CFAP77: variants seen among roughly 807,000 people sequenced by gnomAD.
CFAP77 encodes the protein cilia- and flagella-associated protein 77.
In CFAP77, 25 loss-of-function variants were observed where a neutral mutation model predicts 31.1. The ratio of observed to expected loss-of-function variants is 0.80; its 90% CI spans 0.59 to 1.12. The LOEUF (loss-of-function observed/expected upper bound fraction) is 1.12, where lower values mean the gene tolerates loss of function less well. Among genes scored for constraint, CFAP77 ranks in the 50% most tolerant of loss-of-function variants. The pLI is 0.00. For synonymous variants in CFAP77, 151 were observed against 159.9 expected, an observed-to-expected ratio of 0.94 and a Z score of 0.42; for missense variants, 377 against 397.3, an observed-to-expected ratio of 0.95 and a Z score of 0.44.
chr9:132,559,783 A>G (rs1270485816), intron 5 of CFAP77, among the ~76,000 whole-genome samples: 1 of 152,262 alleles, frequency 6.6e-6, no homozygotes, highest in Non-Finnish European at 1.5e-5. Context: ...CCCAAGGTCC[A>G]TCAACTGATG....
At chr9:132,546,503 T>C (rs1409144055) in intron 5 of CFAP77, among the ~76,000 whole-genome samples, 1 of 151,524 alleles carries the variant, frequency 6.6e-6, no homozygotes, top group African/African-American at 2.4e-5. Flanking sequence ...CTGTCAGAAA[T>C]AATTAAACAC....
intron 3 of CFAP77, among the ~76,000 whole-genome samples, chr9:132,510,657 A>G (rs988433853): frequency 1.3e-5 from 2 of 152,164 alleles, no homozygotes; most frequent in South Asian, 4.1e-4. Context: ...GCAGGCCCTG[A>G]TACATCCCGT....
chr9:132,555,607 T>A (rs1852890756), intron 5 of CFAP77, among the ~76,000 whole-genome samples: 1 of 152,206 alleles, frequency 6.6e-6, no homozygotes. Flanking sequence ...ATTGTCTAAA[T>A]TCAGCAGTAA....
intron 3 of CFAP77, among the ~76,000 whole-genome samples, chr9:132,532,892 A>G (rs1232116640): frequency 6.6e-6 from 1 of 152,224 alleles, no homozygotes; most frequent in Non-Finnish European, 1.5e-5. Flanking sequence ...TCTACAAAAA[A>G]TAAACAAAAA....
chr9:132,442,275 G>A (rs116109794), intron 1 of CFAP77, among the ~76,000 whole-genome samples: 2,151 of 152,286 alleles, frequency 0.014, 36 homozygotes, highest in African/African-American at 0.049. Context: ...AACAGGCTGG[G>A]CACAGTGGCT....
At chr9:132,458,356 G>GC (rs1564211052) in intron 1 of CFAP77, among the ~76,000 whole-genome samples, 2 of 135,856 alleles carry the variant, frequency 1.5e-5, no homozygotes, top group South Asian at 2.5e-4. Context: ...GGAGGGGGGG[G>GC]GGTGTGTATG....
At chr9:132,437,427 G>A (rs1478403521) in intron 1 of CFAP77, among the ~76,000 whole-genome samples, 4 of 151,990 alleles carry the variant, frequency 2.6e-5, no homozygotes, top group South Asian at 4.1e-4. Flanking sequence ...GGAAAGAGTC[G>A]TGGATGTCAC....
intron 3 of CFAP77, among the ~76,000 whole-genome samples, chr9:132,525,674 TGTA>T (rs1458522482): frequency 5.9e-5 from 9 of 152,350 alleles, no homozygotes; most frequent in African/African-American, 2.2e-4. Context: ...TTATCACATG[TGTA>T]GATTTGTGTG....
Position 132,554,976 on chromosome 9 carries a change from C to A in CFAP77, c.732+11929C>A, listed in dbSNP as rs528951746. Among the ~76,000 whole-genome samples, 5 of 147,262 alleles carry A rather than the reference C, an allele frequency of 3.4e-5. No individual in the cohort carries two copies. In the East Asian group the frequency reaches 9.7e-4, roughly 29 times the overall value. ...TCCATCCATCCATCCATCCATCCAT[C>A]CATCCATCCATCCTCAGCCATCTGT... On this transcript the variant is annotated intron_variant, in intron 5 of 5. Coordinates refer to ENST00000393216, the MANE Select transcript of CFAP77 (RefSeq NM_001282957.2). The surrounding 1 kb of genome is among the most constrained non-coding windows in gnomAD (Gnocchi z 4.1).
chr9:132,437,129 T>C (rs1199971884), intron 1 of CFAP77, among the ~76,000 whole-genome samples: 1 of 152,208 alleles, frequency 6.6e-6, no homozygotes, highest in Non-Finnish European at 1.5e-5. Context: ...GGTAACTCGA[T>C]GCATAAAGAA....
At chr9:132,532,971 G>C (rs1234807874) in intron 3 of CFAP77, among the ~76,000 whole-genome samples, 2 of 152,298 alleles carry the variant, frequency 1.3e-5, no homozygotes, top group South Asian at 4.1e-4. Flanking sequence ...TCAGATAAAA[G>C]CTGTGGATTC....
rs554862471 is a variant in CFAP77, at chr9:132,570,727, G to T, written c.733-1661G>T. Among the ~76,000 whole-genome samples the T allele has an allele frequency of 5.3e-5, 8 of 152,282 alleles. No individual in the cohort carries two copies. In the South Asian group the frequency reaches 1.7e-3, roughly 32 times the overall value. On this transcript the variant is annotated intron_variant, in intron 5 of 5. Transcript: ENST00000393216. Reference sequence around the variant, plus strand: ...TCTCTGGTCACCATTTGATTTTTATGGGTTTCTAACAACGCTCCACAGCCC... The same window carrying T: ...TCTCTGGTCACCATTTGATTTTTATTGGTTTCTAACAACGCTCCACAGCCC...
chr9:132,568,273 A>G (rs1829911820), intron 5 of CFAP77, among the ~76,000 whole-genome samples: 4 of 152,166 alleles, frequency 2.6e-5, no homozygotes, highest in Admixed American at 6.5e-5. Flanking sequence ...GTGCATATAC[A>G]GCTGGGCGCT....
chr9:132,433,998 G>T (rs1045241449), intron 1 of CFAP77, among the ~76,000 whole-genome samples: 1 of 150,094 alleles, frequency 6.7e-6, no homozygotes, highest in African/African-American at 2.5e-5. Context: ...AATTAGCTGG[G>T]CATGGTGGCA....
At chr9:132,522,253 A>G (rs1475389928) in intron 3 of CFAP77, among the ~76,000 whole-genome samples, 2 of 152,144 alleles carry the variant, frequency 1.3e-5, no homozygotes, top group African/African-American at 4.8e-5. Flanking sequence ...TTCAGCCTTA[A>G]CTGCCCTCTC....
Position 132,495,784 on chromosome 9 carries a change from T to A in CFAP77, c.196-2911T>A, listed in dbSNP as rs912343331. 2.0e-5 allele frequency among the ~76,000 whole-genome samples: 3 copies of A among 152,176 alleles called. No individual in the cohort carries two copies. Among genetic ancestry groups the A allele is most frequent in the Non-Finnish European group, 4.4e-5 (3 of 68,022 alleles). ...TTAGATCATGAAAGCAGAGCCCTTGTGATGGAATTTGTGCCCTTAAATGAA... is the reference window on the plus strand; with the variant it reads ...TTAGATCATGAAAGCAGAGCCCTTGAGATGGAATTTGTGCCCTTAAATGAA... On this transcript the variant is annotated intron_variant, in intron 1 of 5. Coordinates refer to ENST00000393216, the MANE Select transcript of CFAP77 (RefSeq NM_001282957.2). This position sits in a 1 kb window ranked among gnomAD's most constrained non-coding sequence, Gnocchi z 4.2.
chr9:132,431,421 A>G (rs1850409392), intron 1 of CFAP77, among the ~76,000 whole-genome samples: 1 of 152,252 alleles, frequency 6.6e-6, no homozygotes, highest in Non-Finnish European at 1.5e-5. Context: ...GAAAACATAT[A>G]GAATTGAGAT....
At chr9:132,462,847 G>A (rs1037013210) in intron 1 of CFAP77, among the ~76,000 whole-genome samples, 1 of 152,048 alleles carries the variant, frequency 6.6e-6, no homozygotes, top group Non-Finnish European at 1.5e-5. Context: ...TAAAGAACAC[G>A]TTTGTATATA....
rs1852609067 is a variant in CFAP77, at chr9:132,539,885, C to T, written c.630+2179C>T. Reference sequence around the variant, plus strand: ...TTACCAGCACAAACTGCTTTCTAGCCCCGCATTAGAGCTGGGAGTTTTTTT... The same window carrying T: ...TTACCAGCACAAACTGCTTTCTAGCTCCGCATTAGAGCTGGGAGTTTTTTT... On this transcript the variant is annotated intron_variant, in intron 4 of 5. Coordinates refer to ENST00000393216, the MANE Select transcript of CFAP77 (RefSeq NM_001282957.2). The surrounding 1 kb of genome is among the most constrained non-coding windows in gnomAD (Gnocchi z 4.3). 6.6e-6 allele frequency among the ~76,000 whole-genome samples: 1 copy of T among 152,168 alleles called. No individual in the cohort carries two copies. Among genetic ancestry groups the T allele is most frequent in the African/African-American group, 2.4e-5 (1 of 41,446 alleles).
Sources: gnomAD v4.1 joint callset for allele counts (sites outside exome capture counted in the v4.1 genomes callset) on GRCh38, gnomAD v4.1.1 for gene constraint, Gnocchi (gnomAD v3.1) non-coding constraint, MANE v1.5 for transcripts, NCBI Gene and HGNC (gene_info 2026-07-23, HGNC 2026-07-21) for gene names.